Variants in ADAMTS2 observed in about 807,000 individuals in gnomAD.
The protein encoded by ADAMTS2 is ADAM metallopeptidase with thrombospondin type 1 motif 2.
In ADAMTS2, 50 loss-of-function variants were observed where a neutral mutation model predicts 123.0. The observed-to-expected ratio is 0.41, with a 90% CI of 0.32 to 0.51. ADAMTS2 has a LOEUF of 0.51. Ranked by LOEUF, ADAMTS2 falls within the 20% of genes least tolerant of loss-of-function variation. The probability of loss-of-function intolerance (pLI) is 0.35; values close to 1 mark genes in which losing one functional copy is unlikely to be tolerated. For missense variants in ADAMTS2, 1,494 were observed against 1,705.2 expected (o/e 0.88, Z 2.18); for synonymous variants, 678 against 695.4 (o/e 0.98, Z 0.39).
intron 3 of ADAMTS2, among the ~76,000 whole-genome samples, chr5:179,210,840 G>A (rs1170152326): frequency 1.3e-5 from 2 of 152,214 alleles, no homozygotes; most frequent in African/African-American, 2.4e-5. Flanking sequence ...TGCCACCTCA[G>A]TTTTCCCCAC....
chr5:179,188,435 G>GCTT lies in ADAMTS2; in HGVS notation c.892-7281_892-7280insAAG, dbSNP rs1249599148. Reference sequence around the variant, plus strand: ...ACAGAGGTCTGCTGGCCTCCGTGGAGGAAGAGTTTAGGCATTGCATGGTGC... The same window carrying GCTT: ...ACAGAGGTCTGCTGGCCTCCGTGGAGCTTGAAGAGTTTAGGCATTGCATGGTGC... On this transcript the variant is annotated intron_variant, in intron 4 of 21. Transcript: ENST00000251582. This position sits in a 1 kb window ranked among gnomAD's most constrained non-coding sequence, Gnocchi z 5.1. Among the ~76,000 whole-genome samples the GCTT allele has an allele frequency of 2.0e-5, 3 of 152,208 alleles. No homozygotes were observed.
intron 3 of ADAMTS2, among the ~76,000 whole-genome samples, chr5:179,209,572 G>A (rs1309043247): frequency 3.3e-5 from 5 of 151,102 alleles, no homozygotes; most frequent in Non-Finnish European, 5.9e-5. Flanking sequence ...GCACACACAT[G>A]CACACACATG....
Position 179,307,479 on chromosome 5 carries a change from A to C in ADAMTS2, c.535-34415T>G, listed in dbSNP as rs1196599734. 6.6e-6 allele frequency among the ~76,000 whole-genome samples: 1 copy of C among 152,090 alleles called. No individual in the cohort carries two copies. The highest frequency in any genetic ancestry group is 1.5e-5 in the Non-Finnish European group (1 of 67,996). ...CCGGGTCATGCTGCACCATCCACTAATAGCACCATCACGTATGCCAGGCTG... is the reference window on the plus strand; with the variant it reads ...CCGGGTCATGCTGCACCATCCACTACTAGCACCATCACGTATGCCAGGCTG... On this transcript the variant is annotated intron_variant, in intron 2 of 21. Coordinates refer to ENST00000251582, the MANE Select transcript of ADAMTS2 (RefSeq NM_014244.5). The surrounding 1 kb of genome is among the most constrained non-coding windows in gnomAD (Gnocchi z 5.6).
At position 179,278,080 on chromosome 5, in the gene ADAMTS2, CG is replaced by C. The variant is rs1766787538; in HGVS notation, c.535-5017del. Among the ~76,000 whole-genome samples, 3 of 2,542 alleles carry C rather than the reference CG, an allele frequency of 1.2e-3. 1 individual carries two copies. Among genetic ancestry groups the C allele is most frequent in the Non-Finnish European group, 2.6e-3 (2 of 766 alleles). 1.7% of individuals were successfully genotyped at this position (2,542 alleles called of 152,430 possible). A position where few individuals can be genotyped will look rare whatever the true frequency, so the allele number is the denominator to read the frequency against. On this transcript the variant is annotated intron_variant, in intron 2 of 21. Transcript: ENST00000251582. ...CCCCGAGACCAAAGGCTGACCCCCC[CG>C]AGACCAAAGGCTGACCACCCCCGAG...
At position 179,312,306 on chromosome 5, in the gene ADAMTS2, C is replaced by T. The variant is rs927235968; in HGVS notation, c.534+31461G>A. On this transcript the variant is annotated intron_variant, in intron 2 of 21. Coordinates refer to ENST00000251582, the MANE Select transcript of ADAMTS2 (RefSeq NM_014244.5). The surrounding 1 kb of genome is among the most constrained non-coding windows in gnomAD (Gnocchi z 4.2). ...CCAAATTCCGATGTTGAAAGCTACTCCCCCAAGGTGATATATTAGGAAGTG... is the reference window on the plus strand; with the variant it reads ...CCAAATTCCGATGTTGAAAGCTACTTCCCCAAGGTGATATATTAGGAAGTG... 3.3e-5 allele frequency among the ~76,000 whole-genome samples: 5 copies of T among 152,128 alleles called. No homozygotes were observed. The highest frequency in any genetic ancestry group is 5.9e-5 in the Non-Finnish European group (4 of 68,026).
chr5:179,267,898 C>T lies in ADAMTS2; in HGVS notation c.688+5013G>A, dbSNP rs866525281. Among the ~76,000 whole-genome samples, 3 of 152,146 alleles carry T rather than the reference C, an allele frequency of 2.0e-5. No homozygotes were observed. The South Asian group carries it at 6.2e-4, about 32-fold the overall frequency. ...CAACCAGGCACTTCCTGAGTGACTC[C>T]CCAGACCCCTGAGGCCTGGTCCTTT... On this transcript the variant is annotated intron_variant, in intron 3 of 21. Transcript: ENST00000251582.
intron 4 of ADAMTS2, among the ~76,000 whole-genome samples, chr5:179,191,303 G>C (rs1298970577): frequency 6.6e-6 from 1 of 152,152 alleles, no homozygotes; most frequent in Non-Finnish European, 1.5e-5. Flanking sequence ...ACAGAGCCCT[G>C]GGGGGCTCAG....
In ADAMTS2 at chr5:179,188,325, AG is replaced by A. The variant is rs1161986063; in HGVS notation, c.892-7171del. Among the ~76,000 whole-genome samples, 1 of 152,166 alleles carries A rather than the reference AG, an allele frequency of 6.6e-6. No individual in the cohort carries two copies. Among genetic ancestry groups the A allele is most frequent in the Non-Finnish European group, 1.5e-5 (1 of 68,018 alleles). ...GGACCCCCTGAAATAAGTGAGGAGA[AG>A]GCTGTTCTCTCTGTGCCCCTTCGGA... On this transcript the variant is annotated intron_variant, in intron 4 of 21. Coordinates refer to ENST00000251582, the MANE Select transcript of ADAMTS2 (RefSeq NM_014244.5). The surrounding 1 kb of genome is among the most constrained non-coding windows in gnomAD (Gnocchi z 5.1).
At chr5:179,146,289 T>G (rs1357992984) in intron 10 of ADAMTS2, among the ~76,000 whole-genome samples, 2 of 152,226 alleles carry the variant, frequency 1.3e-5, no homozygotes, top group Admixed American at 6.5e-5. Flanking sequence ...GGGAAATTCT[T>G]TCTTTTTAAA....
In ADAMTS2 at chr5:179,155,411, G is replaced by C. The variant is rs1025951047; in HGVS notation, c.1133-492C>G. On this transcript the variant is annotated intron_variant, in intron 6 of 21. Coordinates refer to ENST00000251582, the MANE Select transcript of ADAMTS2 (RefSeq NM_014244.5). The surrounding 1 kb of genome is among the most constrained non-coding windows in gnomAD (Gnocchi z 5.1). ...TGGGGGGCGTTTCTTGGGTCTCCCCGTGTTTCTCTGGGGTCCTTGAGACCC... is the reference window on the plus strand; with the variant it reads ...TGGGGGGCGTTTCTTGGGTCTCCCCCTGTTTCTCTGGGGTCCTTGAGACCC... 1.7e-4 allele frequency among the ~76,000 whole-genome samples: 26 copies of C among 152,296 alleles called. No homozygotes were observed. The East Asian group carries it at 4.1e-3, about 24-fold the overall frequency.
rs1581186332 is a variant in ADAMTS2, at chr5:179,202,182, T to G, written c.891+5331A>C. 6.6e-6 allele frequency among the ~76,000 whole-genome samples: 1 copy of G among 151,722 alleles called. No individual in the cohort carries two copies. Among genetic ancestry groups the G allele is most frequent in the Non-Finnish European group, 1.5e-5 (1 of 67,824 alleles). ...CTCTGGAAGACTGCGGCGGCCGGCCTTGCCGGCCCCGACTTCCCCTACCTG... is the reference window on the plus strand; with the variant it reads ...CTCTGGAAGACTGCGGCGGCCGGCCGTGCCGGCCCCGACTTCCCCTACCTG... On this transcript the variant is annotated intron_variant, in intron 4 of 21. Coordinates refer to ENST00000251582, the MANE Select transcript of ADAMTS2 (RefSeq NM_014244.5). This position sits in a 1 kb window ranked among gnomAD's most constrained non-coding sequence, Gnocchi z 4.0.
intron 2 of ADAMTS2, among the ~76,000 whole-genome samples, chr5:179,326,205 T>TGC (rs1561749477): frequency 2.2e-5 from 3 of 135,164 alleles, no homozygotes; most frequent in African/African-American, 5.7e-5. Flanking sequence ...TGTGTGCGTG[T>TGC]GTGTGTGTGT....
In ADAMTS2 at chr5:179,312,391, C is replaced by T. The variant is rs1405726260; in HGVS notation, c.534+31376G>A. Among the ~76,000 whole-genome samples, 1 of 152,136 alleles carries T rather than the reference C, an allele frequency of 6.6e-6. No homozygotes were observed. The highest frequency in any genetic ancestry group is 1.9e-4 in the East Asian group (1 of 5,194). On this transcript the variant is annotated intron_variant, in intron 2 of 21. Coordinates refer to ENST00000251582, the MANE Select transcript of ADAMTS2 (RefSeq NM_014244.5). This position sits in a 1 kb window ranked among gnomAD's most constrained non-coding sequence, Gnocchi z 4.2. Reference sequence around the variant, plus strand: ...ATCCACACGAATGGGATTTGTGCCCCGATCAGAGGGACCCCAGAGAGCTCC... The same window carrying T: ...ATCCACACGAATGGGATTTGTGCCCTGATCAGAGGGACCCCAGAGAGCTCC...
At position 179,230,161 on chromosome 5, in the gene ADAMTS2, T is replaced by C. The variant is rs1765374916; in HGVS notation, c.689-22446A>G. The stretch of plus-strand genomic sequence containing the variant: ...GGATTAAGTGATTTAGCAGAGGTGG[T>C]CCCGGCGGGAGGAGGGCAGGGCAGG... On this transcript the variant is annotated intron_variant, in intron 3 of 21. Transcript: ENST00000251582. 3.3e-5 allele frequency among the ~76,000 whole-genome samples: 5 copies of C among 152,124 alleles called. No individual in the cohort carries two copies. In the South Asian group the frequency reaches 1.0e-3, roughly 32 times the overall value.
intron 2 of ADAMTS2, among the ~76,000 whole-genome samples, chr5:179,330,369 G>A (rs946576227): frequency 1.3e-5 from 2 of 152,042 alleles, no homozygotes; most frequent in Non-Finnish European, 2.9e-5. Flanking sequence ...ACCATGCCCA[G>A]TCCTGGACCA....
At chr5:179,310,349 C>T (rs1297063933) in intron 2 of ADAMTS2, among the ~76,000 whole-genome samples, 1 of 152,212 alleles carries the variant, frequency 6.6e-6, no homozygotes, top group Non-Finnish European at 1.5e-5. Context: ...GGCTCAGCCC[C>T]CCAGCTCCAA....
At chr5:179,299,765 C>T (rs943608145) in intron 2 of ADAMTS2, among the ~76,000 whole-genome samples, 5 of 151,966 alleles carry the variant, frequency 3.3e-5, no homozygotes, top group African/African-American at 1.2e-4. Flanking sequence ...CATCTACTGA[C>T]CCCTCTCTGA....
chr5:179,212,751 T>A (rs1764891209), intron 3 of ADAMTS2, among the ~76,000 whole-genome samples: 1 of 125,864 alleles, frequency 7.9e-6, no homozygotes, highest in Admixed American at 8.1e-5. Flanking sequence ...GGTGTGGGCC[T>A]GAGGGCGGGT....
At chr5:179,254,653 T>TCA (rs150600028) in intron 3 of ADAMTS2, among the ~76,000 whole-genome samples, 2 of 152,066 alleles carry the variant, frequency 1.3e-5, no homozygotes, top group African/African-American at 2.4e-5. Flanking sequence ...AGCTACCAGG[T>TCA]CACACACACA....
Sources: allele counts gnomAD v4.1 joint callset (sites outside exome capture counted in the v4.1 genomes callset), GRCh38; gene constraint gnomAD v4.1.1; non-coding constraint Gnocchi (gnomAD v3.1); transcripts MANE v1.5; gene names NCBI Gene and HGNC (gene_info 2026-07-23, HGNC 2026-07-21).